YIPF4: variants seen among roughly 807,000 people sequenced by gnomAD.
YIPF4 encodes the protein Yip1 domain family member 4.
Under a neutral mutation model 29.4 loss-of-function variants are expected in YIPF4, and 18 were observed. The observed-to-expected ratio is 0.61, with a 90% CI of 0.42 to 0.91. The LOEUF is 0.91. Ranked by LOEUF, YIPF4 falls within the 40% of genes least tolerant of loss-of-function variation. The probability of loss-of-function intolerance (pLI) is 0.00; values close to 1 mark genes in which losing one functional copy is unlikely to be tolerated. For synonymous variants in YIPF4, 115 were observed against 104.7 expected, an observed-to-expected ratio of 1.10 and a Z score of -0.60; for missense variants, 279 against 282.7, an observed-to-expected ratio of 0.99 and a Z score of 0.09.
chr2:32,307,147 T>C lies in YIPF4; in HGVS notation c.*1521T>C. 1 of 1,297,366 alleles carries C rather than the reference T, an allele frequency of 7.7e-7. No individual in the cohort carries two copies. The highest frequency in any genetic ancestry group is 1.3e-5 in the South Asian group (1 of 79,288). 80.4% of individuals were successfully genotyped at this position (1,297,366 alleles called of 1,614,324 possible). On this transcript the variant is annotated 3_prime_UTR_variant, in exon 6 of 6. Transcript: ENST00000238831. ...ACAGGACTTCTAGAAGTTAGAATAA[T>C]ATGAAGTAATCAGGAAATATCTATG...
intron 1 of YIPF4, among the ~76,000 whole-genome samples, chr2:32,281,211 T>A (rs2030396778): frequency 6.6e-6 from 1 of 151,984 alleles, no homozygotes; most frequent in Admixed American, 6.6e-5. Context: ...AAATTTAGAG[T>A]ATTTTAAGTA....
intron 3 of YIPF4, among the ~76,000 whole-genome samples, chr2:32,293,620 G>T (rs2031018260): frequency 6.6e-6 from 1 of 152,320 alleles, no homozygotes; most frequent in East Asian, 1.9e-4. Flanking sequence ...CCTCCCAGAC[G>T]GGGTGGTGGC....
At chr2:32,300,220 C>G (rs1001203381) in intron 4 of YIPF4, among the ~76,000 whole-genome samples, 2 of 151,892 alleles carry the variant, frequency 1.3e-5, no homozygotes, top group African/African-American at 4.8e-5. Flanking sequence ...GAGCCATGAT[C>G]GCAACATTGC....
At chr2:32,305,325 A>G (rs2031538887) in intron 5 of YIPF4, among the ~76,000 whole-genome samples, 164 bp from the exon 6 acceptor site, 1 of 152,216 alleles carries the variant, frequency 6.6e-6, no homozygotes. Context: ...GCAAAGATGG[A>G]CATTCTTAAT....
chr2:32,298,252 A>C lies in YIPF4; in HGVS notation c.424A>C (p.Thr142Pro). 6.2e-7 allele frequency: 1 copy of C among 1,610,490 alleles called. No homozygotes were observed. The highest frequency in any genetic ancestry group is 1.7e-5 in the Admixed American group (1 of 59,728). Residue 142 changes from threonine (T) to proline (P), a missense_variant, in exon 4 of 6, where the codon ACC (threonine) becomes CCC (proline). By Grantham distance (38) the Thr-to-Pro change is conservative. Coordinates refer to ENST00000238831, the MANE Select transcript of YIPF4 (RefSeq NM_032312.4). ...CCCTAAGGTGGTCTCATGGATTATA[A>C]CCATTTGGATATTTGGTTCACTAAC... ...GQFRVVSWII[T>P]IWIFGSLTIF...
rs1476549959 is a variant in YIPF4 at position 32,311,864 on chromosome 2, T to C, written c.*6238T>C. The C allele has an allele frequency of 1.4e-4, 22 of 152,214 alleles. No individual in the cohort carries two copies. The allele number at this position is 152,214 out of a possible 1,614,324, so 9.4% of individuals were successfully genotyped here. On this transcript the variant is annotated 3_prime_UTR_variant, in exon 6 of 6. Coordinates refer to ENST00000238831, the MANE Select transcript of YIPF4 (RefSeq NM_032312.4). ...TCATCTGGTGATAAAGGGAAAAAGA[T>C]AATGTAAAAGCAGATTGCTGCTATT...
rs1401683922 is a variant in YIPF4, at chr2:32,309,507, T to G, written c.*3881T>G. ...GAAGTAAATATTTTTGTTTAAATAT[T>G]GTTTAAAATTTAGTCATTTAAAAAT... On this transcript the variant is annotated 3_prime_UTR_variant, in exon 6 of 6. Coordinates refer to ENST00000238831, the MANE Select transcript of YIPF4 (RefSeq NM_032312.4). 6.6e-6 allele frequency: 1 copy of G among 152,202 alleles called. No individual in the cohort carries two copies. Among genetic ancestry groups the G allele is most frequent in the Non-Finnish European group, 1.5e-5 (1 of 68,030 alleles). The allele number at this position is 152,202 out of a possible 1,614,324, so 9.4% of individuals were successfully genotyped here. A position where few individuals can be genotyped will look rare whatever the true frequency, so the allele number is the denominator to read the frequency against.
In YIPF4 at chr2:32,301,522, G is replaced by C. The variant is rs375754833; in HGVS notation, c.597+27G>C. ...TAAGTTAAGGATTATGTATTACATA[G>C]TTTACTGTTTTCCAATGTCAAAAGT... On this transcript the variant is annotated intron_variant, in intron 5 of 5. Transcript: ENST00000238831. 20 of 1,486,468 alleles carry C rather than the reference G, an allele frequency of 1.3e-5. No homozygotes were observed. In the African/African-American group the frequency reaches 2.2e-4, roughly 17 times the overall value. The allele number at this position is 1,486,468 out of a possible 1,614,324, so 92.1% of individuals were successfully genotyped here. A position where few individuals can be genotyped will look rare whatever the true frequency, so the allele number is the denominator to read the frequency against.
chr2:32,290,696 ATTC>A (rs753473685), intron 2 of YIPF4, 60 bp downstream of exon 2: 27 of 1,160,950 alleles, frequency 2.3e-5, no homozygotes, highest in Middle Eastern at 2.9e-4. Flanking sequence ...GGATGATTAT[ATTC>A]TTCTTGTTAT....
intron 4 of YIPF4, among the ~76,000 whole-genome samples, chr2:32,299,634 G>C (rs1422631298): frequency 6.6e-6 from 1 of 151,774 alleles, no homozygotes; most frequent in African/African-American, 2.4e-5. Flanking sequence ...ACCAGCCTGG[G>C]CAACGTAGGG....
intron 1 of YIPF4, among the ~76,000 whole-genome samples, chr2:32,283,721 C>T (rs1573525314): frequency 6.9e-6 from 1 of 145,318 alleles, no homozygotes; most frequent in Non-Finnish European, 1.5e-5. Context: ...TATCTCATGT[C>T]TTTTTTTTTT....
Position 32,292,168 on chromosome 2 carries a change from A to T in YIPF4, c.234-9A>T, listed in dbSNP as rs2030946680. 3.5e-6 allele frequency: 5 copies of T among 1,429,642 alleles called. No individual in the cohort carries two copies. 88.6% of individuals were successfully genotyped at this position (1,429,642 alleles called of 1,614,324 possible). A position where few individuals can be genotyped will look rare whatever the true frequency, so the allele number is the denominator to read the frequency against. On this transcript the variant is annotated splice_polypyrimidine_tract_variant and intron_variant, in intron 2 of 5. Transcript: ENST00000238831. Reference sequence around the variant, plus strand: ...GTGCCTTTTGAGAATTTTTATTTTAAAATTATAGGGAAGAATTGGACATTG... The same window carrying T: ...GTGCCTTTTGAGAATTTTTATTTTATAATTATAGGGAAGAATTGGACATTG...
At chr2:32,280,402 CAG>C (rs1275166690) in intron 1 of YIPF4, among the ~76,000 whole-genome samples, 3 of 138,250 alleles carry the variant, frequency 2.2e-5, no homozygotes, top group East Asian at 2.1e-4. Flanking sequence ...TTTTTTGAGA[CAG>C]AGTCTTGCTC....
chr2:32,278,076 C>T lies in YIPF4; in HGVS notation c.-80C>T. On this transcript the variant is annotated 5_prime_UTR_variant, in exon 1 of 6. Transcript: ENST00000238831. ...TAGGCCGCACCGTAGGGCGAGCGTGCGGGTCGCCGCCGCGGCCGCCTCGGG... is the reference window on the plus strand; with the variant it reads ...TAGGCCGCACCGTAGGGCGAGCGTGTGGGTCGCCGCCGCGGCCGCCTCGGG... 7.0e-6 allele frequency: 9 copies of T among 1,277,008 alleles called. No individual in the cohort carries two copies. Among genetic ancestry groups the T allele is most frequent in the East Asian group, 2.8e-5 (1 of 36,002 alleles). The allele number at this position is 1,277,008 out of a possible 1,614,324, so 79.1% of individuals were successfully genotyped here.
chr2:32,278,457 T>G (rs398290), intron 1 of YIPF4, among the ~76,000 whole-genome samples: 1 of 151,804 alleles, frequency 6.6e-6, no homozygotes, highest in African/African-American at 2.4e-5. Flanking sequence ...CGGTCAGCCC[T>G]TGGTTTTCCC....
rs2148969083 is a variant in YIPF4, at chr2:32,307,397, T to TAA, written c.*1772_*1773insAA. 5.5e-6 allele frequency: 1 copy of TAA among 181,102 alleles called. No homozygotes were observed. The highest frequency in any genetic ancestry group is 1.2e-4 in the South Asian group (1 of 8,242). The allele number at this position is 181,102 out of a possible 1,614,324, so 11.2% of individuals were successfully genotyped here. A position where few individuals can be genotyped will look rare whatever the true frequency, so the allele number is the denominator to read the frequency against. ...AAAAAATGGTTTAATTTTTAAAAAC[T>TAA]ATCATTGCTTTAAGGTATGAATTTT... On this transcript the variant is annotated 3_prime_UTR_variant, in exon 6 of 6. Coordinates refer to ENST00000238831, the MANE Select transcript of YIPF4 (RefSeq NM_032312.4).
chr2:32,300,111 G>A (rs527789437), intron 4 of YIPF4, among the ~76,000 whole-genome samples: 2 of 152,102 alleles, frequency 1.3e-5, no homozygotes, highest in South Asian at 4.1e-4. Flanking sequence ...TACTAAAAAT[G>A]CAAAATTAGC....
chr2:32,277,933 G>A lies in YIPF4; in HGVS notation c.-223G>A. On this transcript the variant is annotated 5_prime_UTR_variant, in exon 1 of 6. Transcript: ENST00000238831. ...CTGTTATGGTCCTGTCAGGGTGCCG[G>A]CGTCGTGGTGCTTGGGTGGTCGCCA... 1 of 525,420 alleles carries A rather than the reference G, an allele frequency of 1.9e-6. No homozygotes were observed. 32.5% of individuals were successfully genotyped at this position (525,420 alleles called of 1,614,324 possible).
In YIPF4 at chr2:32,309,039, A is replaced by G. The variant is rs1300623883; in HGVS notation, c.*3413A>G. On this transcript the variant is annotated 3_prime_UTR_variant, in exon 6 of 6. Transcript: ENST00000238831. ...GAGTGAGACTCCGTCTCAAAAAAAA[A>G]AAAAAAAAAAATCAAAATCTATATA... 1 of 152,112 alleles carries G rather than the reference A, an allele frequency of 6.6e-6. No homozygotes were observed. Among genetic ancestry groups the G allele is most frequent in the Non-Finnish European group, 1.5e-5 (1 of 68,038 alleles). The allele number at this position is 152,112 out of a possible 1,614,324, so 9.4% of individuals were successfully genotyped here. A position where few individuals can be genotyped will look rare whatever the true frequency, so the allele number is the denominator to read the frequency against.
Sources: gnomAD v4.1 joint callset for allele counts (sites outside exome capture counted in the v4.1 genomes callset) on GRCh38, gnomAD v4.1.1 for gene constraint, MANE v1.5 for transcripts, NCBI Gene and HGNC (gene_info 2026-07-23, HGNC 2026-07-21) for gene names.